Variants in ACACA observed in about 807,000 individuals in gnomAD.
The protein encoded by ACACA is acetyl-CoA carboxylase 1.
Under a neutral mutation model 296.1 loss-of-function variants are expected in ACACA, and 103 were observed. The ratio of observed to expected loss-of-function variants is 0.35; its 90% CI spans 0.30 to 0.41. The LOEUF (loss-of-function observed/expected upper bound fraction) is 0.41, where lower values mean the gene tolerates loss of function less well. Among genes scored for constraint, ACACA ranks in the 10% least tolerant of loss-of-function variants. ACACA has a pLI of 1.00. For synonymous variants in ACACA, 953 were observed against 1,038.6 expected (o/e 0.92, Z 1.58); for missense variants, 1,554 against 2,989.7 (o/e 0.52, Z 11.20).
intron 3 of ACACA, among the ~76,000 whole-genome samples, chr17:37,287,927 T>C (rs1161435550): frequency 6.6e-6 from 1 of 152,194 alleles, no homozygotes; most frequent in Non-Finnish European, 1.5e-5. Flanking sequence ...ATTAAAATTT[T>C]CTTCATCCTT....
chr17:37,403,632 C>T (rs1336446150), intron 1 of ACACA, among the ~76,000 whole-genome samples: 2 of 152,120 alleles, frequency 1.3e-5, no homozygotes, highest in South Asian at 2.1e-4. Context: ...CCTACCTTGG[C>T]TTCCCAAAAT....
chr17:37,173,999 T>C (rs2076991421), intron 41 of ACACA, among the ~76,000 whole-genome samples: 1 of 10,624 alleles, frequency 9.4e-5, no homozygotes, highest in South Asian at 2.7e-3. Context: ...TATATATATA[T>C]ATATATATAT....
chr17:37,263,175 G>A (rs1442523996), intron 11 of ACACA, among the ~76,000 whole-genome samples: 2 of 152,196 alleles, frequency 1.3e-5, no homozygotes, highest in African/African-American at 4.8e-5. Flanking sequence ...TAGGACTCCA[G>A]AAAAGACTAT....
chr17:37,225,646 A>G (rs2079512217), intron 26 of ACACA: 1 of 175,722 alleles, frequency 5.7e-6, no homozygotes, highest in East Asian at 1.6e-4. Flanking sequence ...ACAAACAAAC[A>G]AACAGTGACA....
chr17:37,105,623 A>T (rs2073631913), intron 52 of ACACA, among the ~76,000 whole-genome samples: 1 of 152,080 alleles, frequency 6.6e-6, no homozygotes, highest in Admixed American at 6.6e-5. Context: ...CCAACACTTT[A>T]GGAGGCCGAG....
intron 1 of ACACA, among the ~76,000 whole-genome samples, chr17:37,393,839 A>G (rs1356577886): frequency 6.6e-6 from 1 of 152,056 alleles, no homozygotes; most frequent in Non-Finnish European, 1.5e-5. Context: ...AAAAGAGTAT[A>G]ATTTGGGTAA....
chr17:37,235,235 G>T, intron 24 of ACACA, 136 bp from the exon 25 acceptor site: 1 of 1,150,774 alleles, frequency 8.7e-7, no homozygotes, highest in Non-Finnish European at 1.3e-6. Context: ...GGATGGATTT[G>T]TACAGAAACT....
intron 32 of ACACA, among the ~76,000 whole-genome samples, 184 bp downstream of exon 32, chr17:37,206,599 A>T (rs1024322809): frequency 1.3e-5 from 2 of 152,186 alleles, no homozygotes; most frequent in Non-Finnish European, 2.9e-5. Flanking sequence ...AGTTTTTTTA[A>T]GTTAGGATTT....
At chr17:37,216,480 T>A (rs2079004270) in intron 29 of ACACA, among the ~76,000 whole-genome samples, 2 of 151,686 alleles carry the variant, frequency 1.3e-5, no homozygotes, top group African/African-American at 4.8e-5. Context: ...TAGCAAGAAA[T>A]GAAATAGGAA....
intron 10 of ACACA, among the ~76,000 whole-genome samples, chr17:37,266,211 C>T (rs547677457): frequency 3.3e-5 from 5 of 152,048 alleles, no homozygotes; most frequent in African/African-American, 1.2e-4. Context: ...GTCAGGAGTT[C>T]GAGACCAGCC....
At chr17:37,163,871 C>T (rs1031383066) in intron 41 of ACACA, among the ~76,000 whole-genome samples, 3 of 152,142 alleles carry the variant, frequency 2.0e-5, no homozygotes, top group African/African-American at 7.2e-5. Context: ...CAAACTCTCA[C>T]AGCCCTCTCC....
chr17:37,226,247 T>G, intron 26 of ACACA, 92 bp downstream of exon 26: 2 of 949,118 alleles, frequency 2.1e-6, no homozygotes, highest in South Asian at 2.6e-5. Context: ...ACATGTTCTT[T>G]GTAAAGTGAT....
chr17:37,208,710 C>A (rs2078618936), intron 30 of ACACA, among the ~76,000 whole-genome samples: 1 of 152,168 alleles, frequency 6.6e-6, no homozygotes, highest in Admixed American at 6.5e-5. Flanking sequence ...TGTACCTTAA[C>A]AGTATGTACT....
intron 1 of ACACA, among the ~76,000 whole-genome samples, chr17:37,390,304 T>TTTTATATATATATATATA (rs1201500381): frequency 1.1e-4 from 2 of 17,988 alleles, no homozygotes; most frequent in African/African-American, 7.6e-4. Context: ...TTATACATAA[T>TTTTATATATATATATATA]TATATATATA....
intron 1 of ACACA, among the ~76,000 whole-genome samples, chr17:37,349,536 C>CGT (rs573689152): frequency 0.01 from 1,464 of 144,812 alleles, 19 homozygotes; most frequent in East Asian, 0.034. Flanking sequence ...TGTGTGCGCG[C>CGT]GTGTGTGTGT....
At chr17:37,353,637 TAAAAAAAAA>T (rs1169088763) in intron 1 of ACACA, among the ~76,000 whole-genome samples, 2 of 56,690 alleles carry the variant, frequency 3.5e-5, no homozygotes, top group South Asian at 1.1e-3. Flanking sequence ...AGACTCCGTC[TAAAAAAAAA>T]AAAAAAAAAA....
At chr17:37,200,590 T>C (rs2078205226) in intron 33 of ACACA, 107 bp from the exon 34 acceptor site, 2 of 1,012,498 alleles carry the variant, frequency 2.0e-6, no homozygotes, top group African/African-American at 1.6e-5. Context: ...ACATCCTTTT[T>C]GGATATCCTT....
chr17:37,094,885 C>T (rs1265986167), intron 54 of ACACA, among the ~76,000 whole-genome samples: 4 of 152,396 alleles, frequency 2.6e-5, no homozygotes, highest in African/African-American at 9.6e-5. Flanking sequence ...TGGCTGCCCC[C>T]AGTGCCTAGG....
intron 14 of ACACA, among the ~76,000 whole-genome samples, chr17:37,257,182 GTTTC>G (rs1322058652): frequency 1.3e-5 from 2 of 152,222 alleles, no homozygotes; most frequent in African/African-American, 2.4e-5. Context: ...AATGTAGACA[GTTTC>G]TTTATGTCCT....
Sources: gnomAD v4.1 joint callset for allele counts (sites outside exome capture counted in the v4.1 genomes callset) on GRCh38, gnomAD v4.1.1 for gene constraint, MANE v1.5 for transcripts, NCBI Gene and HGNC (gene_info 2026-07-23, HGNC 2026-07-21) for gene names.